PTPRR: variants seen among roughly 807,000 people sequenced by gnomAD.
PTPRR encodes receptor-type tyrosine-protein phosphatase R.
Under a neutral mutation model 77.2 loss-of-function variants are expected in PTPRR, and 38 were observed. The ratio of observed to expected loss-of-function variants is 0.49; its 90% CI spans 0.38 to 0.65. PTPRR has a LOEUF of 0.65. Ranked by LOEUF, PTPRR falls within the 30% of genes least tolerant of loss-of-function variation. The pLI is 0.00. For missense variants in PTPRR, 744 were observed against 799.2 expected, an observed-to-expected ratio of 0.93 and a Z score of 0.83; for synonymous variants, 299 against 283.1, an observed-to-expected ratio of 1.06 and a Z score of -0.57.
intron 2 of PTPRR, among the ~76,000 whole-genome samples, chr12:70,774,485 C>T (rs2136989159): frequency 6.6e-6 from 1 of 152,316 alleles, no homozygotes; most frequent in Admixed American, 6.5e-5. Context: ...TGTACAAAAG[C>T]TGTACATTTG....
At chr12:70,768,899 A>T (rs1890897449) in intron 2 of PTPRR, among the ~76,000 whole-genome samples, 1 of 151,594 alleles carries the variant, frequency 6.6e-6, no homozygotes, top group Admixed American at 6.6e-5. Context: ...ACAGAGCCAA[A>T]GACAAAAACC....
chr12:70,773,489 C>T (rs902458162), intron 2 of PTPRR, among the ~76,000 whole-genome samples: 3 of 152,102 alleles, frequency 2.0e-5, no homozygotes, highest in Non-Finnish European at 4.4e-5. Context: ...GTGTTCATTC[C>T]TGGTTGGAGA....
intron 5 of PTPRR, among the ~76,000 whole-genome samples, chr12:70,751,385 G>T (rs1022044310): frequency 1.3e-5 from 2 of 152,176 alleles, no homozygotes; most frequent in African/African-American, 4.8e-5. Flanking sequence ...GAAGCCTCCA[G>T]AAAGATCCTC....
At chr12:70,766,813 C>G (rs1285341692) in intron 2 of PTPRR, among the ~76,000 whole-genome samples, 2 of 152,178 alleles carry the variant, frequency 1.3e-5, no homozygotes, top group African/African-American at 2.4e-5. Context: ...AACAGCGGAT[C>G]TCTCAACAGA....
chr12:70,804,442 C>T (rs1240772484), intron 2 of PTPRR, among the ~76,000 whole-genome samples: 1 of 151,794 alleles, frequency 6.6e-6, no homozygotes, highest in Non-Finnish European at 1.5e-5. Flanking sequence ...ACCTGTAGTC[C>T]CAGCTACTTG....
rs759199893 is a variant in PTPRR at position 70,746,044 on chromosome 12, G to T, written c.781C>A (p.Gln261Lys). Residue 261 changes from glutamine to lysine, a missense_variant, in exon 6 of 14, where the codon CAA (glutamine) becomes AAA (lysine). Transcript: ENST00000283228. ...ATCTCCTGGTTTTTCTCTTTGTCTT[G>T]TCTTAAGGAAAGCTGAAATCTTTCT... The part of the protein sequence containing the change: ...LKERFQLSLR[Q>K]DKEKNQEIHL... 2 of 1,613,056 alleles carry T rather than the reference G, an allele frequency of 1.2e-6. No individual in the cohort carries two copies. The highest frequency in any genetic ancestry group is 2.2e-5 in the South Asian group (2 of 91,050).
intron 6 of PTPRR, among the ~76,000 whole-genome samples, chr12:70,738,236 G>A (rs1292200315): frequency 6.6e-6 from 1 of 152,134 alleles, no homozygotes; most frequent in African/African-American, 2.4e-5. Flanking sequence ...AGTATTTATT[G>A]TAAATCATAA....
rs1194048291 is a variant in PTPRR at position 70,871,456 on chromosome 12, C to A, written c.357+21223G>T. Among the ~76,000 whole-genome samples, 3 of 152,248 alleles carry A rather than the reference C, an allele frequency of 2.0e-5. No homozygotes were observed. The South Asian group carries it at 6.2e-4, about 32-fold the overall frequency. ...GAGGCTATTCCAAACCTAGATCATT[C>A]TTTCTCTCCATGGGCAAAATTATGT... On this transcript the variant is annotated intron_variant, in intron 2 of 13. Coordinates refer to ENST00000283228, the MANE Select transcript of PTPRR (RefSeq NM_002849.4).
chr12:70,775,198 G>GAA (rs58406314), intron 2 of PTPRR, among the ~76,000 whole-genome samples: 1 of 151,886 alleles, frequency 6.6e-6, no homozygotes, highest in African/African-American at 2.4e-5. Context: ...TAAACATACA[G>GAA]AAAAAACATA....
chr12:70,701,189 GA>G lies in PTPRR; in HGVS notation c.1141del (p.Ser381LeufsTer3). 1 of 1,613,944 alleles carries G rather than the reference GA, an allele frequency of 6.2e-7. No homozygotes were observed. The highest frequency in any genetic ancestry group is 8.5e-7 in the Non-Finnish European group (1 of 1,179,938). ...ACTTGCCACGACGTCCCTCAGCTGA[GA>G]CCTTGTGAGAATTCGGCTGGCTGAC... Reference protein sequence around the residue: ...LQSASRILTRSQLRDVVASSH... With the variant: ...LQSASRILTRXQLRDVVASSH... On this transcript the variant is annotated frameshift_variant, in exon 7 of 14. Transcript: ENST00000283228. LOFTEE classifies it high-confidence loss of function.
chr12:70,654,946 A>T (rs1254233231), intron 13 of PTPRR, among the ~76,000 whole-genome samples: 1 of 152,204 alleles, frequency 6.6e-6, no homozygotes. Context: ...TACCTAGCCA[A>T]CAAAACTCTT....
At chr12:70,671,918 A>T in intron 10 of PTPRR, 2 of 902,170 alleles carry the variant, frequency 2.2e-6, no homozygotes, top group Non-Finnish European at 3.5e-6. Context: ...CCAGGCTCTG[A>T]TGCTGGTCTC....
intron 2 of PTPRR, among the ~76,000 whole-genome samples, chr12:70,819,040 G>A (rs532537865): frequency 3.9e-5 from 6 of 152,186 alleles, no homozygotes; most frequent in African/African-American, 1.4e-4. Context: ...TAAAGAGAAG[G>A]TCAGGTGTGG....
chr12:70,714,508 A>G (rs1175290303), intron 6 of PTPRR, among the ~76,000 whole-genome samples: 1 of 152,166 alleles, frequency 6.6e-6, no homozygotes, highest in Non-Finnish European at 1.5e-5. Context: ...TACATTATAT[A>G]TTGGAAAATT....
At chr12:70,850,386 G>A (rs1444831523) in intron 2 of PTPRR, among the ~76,000 whole-genome samples, 2 of 151,872 alleles carry the variant, frequency 1.3e-5, no homozygotes, top group African/African-American at 4.8e-5. Context: ...AGGTAATTTT[G>A]TATCTATTTC....
At chr12:70,784,556 T>G (rs1295224642) in intron 2 of PTPRR, among the ~76,000 whole-genome samples, 1 of 152,188 alleles carries the variant, frequency 6.6e-6, no homozygotes, top group Admixed American at 6.5e-5. Context: ...AGCAGGCTGC[T>G]GTTGGGGGTT....
chr12:70,815,040 G>C (rs1891876074), intron 2 of PTPRR, among the ~76,000 whole-genome samples: 1 of 150,594 alleles, frequency 6.6e-6, no homozygotes, highest in Non-Finnish European at 1.5e-5. Context: ...GATAGAATTT[G>C]TAGATAAGGG....
chr12:70,684,917 T>C, intron 8 of PTPRR, 134 bp from the exon 9 acceptor site: 2 of 584,470 alleles, frequency 3.4e-6, no homozygotes. Flanking sequence ...GTCTTTGGTG[T>C]CCATTGCTTG....
chr12:70,869,867 C>T (rs542084014), intron 2 of PTPRR, among the ~76,000 whole-genome samples: 1 of 152,300 alleles, frequency 6.6e-6, no homozygotes, highest in South Asian at 2.1e-4. Context: ...GCACTTGTAA[C>T]TTCCAGAACT....
Sources: gnomAD v4.1 joint callset for allele counts (sites outside exome capture counted in the v4.1 genomes callset) on GRCh38, gnomAD v4.1.1 for gene constraint, MANE v1.5 for transcripts, NCBI Gene and HGNC (gene_info 2026-07-23, HGNC 2026-07-21) for gene names.